KCP: variants seen among roughly 807,000 people sequenced by gnomAD.
KCP encodes kielin cysteine rich BMP regulator.
Under a neutral mutation model 212.7 loss-of-function variants are expected in KCP, and 194 were observed. The ratio of observed to expected loss-of-function variants is 0.91; its 90% confidence interval spans 0.81 to 1.03. KCP has a LOEUF of 1.03. KCP is among the 50% of genes least tolerant of loss of function. The probability of loss-of-function intolerance (pLI) is 0.00; values close to 1 mark genes in which losing one functional copy is unlikely to be tolerated. For missense variants in KCP, 2,080 were observed against 2,162.5 expected (o/e 0.96, Z 0.76); for synonymous variants, 833 against 865.3 (o/e 0.96, Z 0.65).
At chr7:128,908,253 AGAAAG>A (rs1221528335) in intron 2 of KCP, among the ~76,000 whole-genome samples, 168 bp downstream of exon 2, 2 of 78,866 alleles carry the variant, frequency 2.5e-5, no homozygotes, top group African/African-American at 6.1e-5. Flanking sequence ...GAAAGAAAGA[AGAAAG>A]AAAGAAAGAA....
rs1235266508 is a variant in KCP at position 128,910,132 on chromosome 7, AGAGCTCC to A, written c.76+462_76+468del. On this transcript the variant is annotated intron_variant, in intron 1 of 39. Coordinates refer to ENST00000610776, the MANE Select transcript of KCP (RefSeq NM_001366122.1). The stretch of plus-strand genomic sequence containing the variant: ...GCCTCGCCTGGAGAGACCTGCAGAA[AGAGCTCC>A]GAGTGGCACAAACTTGGCTGGTCCC... 2.0e-5 allele frequency among the ~76,000 whole-genome samples: 3 copies of A among 152,284 alleles called. No homozygotes were observed. The East Asian group carries it at 5.8e-4, about 29-fold the overall frequency.
At chr7:128,903,435 C>CA in intron 7 of KCP, 1 of 488,672 alleles carries the variant, frequency 2.0e-6, no homozygotes, top group Non-Finnish European at 3.6e-6. Context: ...CTCTAGGGGT[C>CA]ATCCCTGAGG....
Position 128,878,538 on chromosome 7 carries a change from C to A in KCP, c.4311+20G>T. 1 of 1,547,308 alleles carries A rather than the reference C, an allele frequency of 6.5e-7. No homozygotes were observed. Among genetic ancestry groups the A allele is most frequent in the Non-Finnish European group, 8.7e-7 (1 of 1,144,284 alleles). On this transcript the variant is annotated intron_variant, in intron 38 of 39. Transcript: ENST00000610776. ...GCTGCGTCTCCCCTAATCCCCATCC[C>A]CGGTTCCTGTACCACTCACCTGCCA...
chr7:128,885,149 G>T lies in KCP; in HGVS notation c.2988C>A (p.Ser996Arg). 6.4e-7 allele frequency: 1 copy of T among 1,550,862 alleles called. No individual in the cohort carries two copies. The highest frequency in any genetic ancestry group is 8.7e-7 in the Non-Finnish European group (1 of 1,147,000). Residue 996 changes from serine (S) to arginine (R), a missense_variant, in exon 27 of 40, where the codon AGC becomes AGA. Physicochemically the swap from Ser to Arg is moderately radical, Grantham distance 110. Coordinates refer to ENST00000610776, the MANE Select transcript of KCP (RefSeq NM_001366122.1). ...VVTCARIQCI[S>R]SCAQPRQGPH... ...GCCCTTGGCGGGGCTGGGCGCAAGA[G>T]CTGATGCACTGGATGCGTGCACAGG...
chr7:128,892,651 G>A (rs780061208), intron 15 of KCP, 37 bp downstream of exon 15: 136 of 1,550,878 alleles, frequency 8.8e-5, no homozygotes, highest in Non-Finnish European at 1.2e-4. Flanking sequence ...ATGCCCAGGA[G>A]GGGCTCAGCA....
intron 21 of KCP, 30 bp from the exon 22 acceptor site, chr7:128,889,069 G>C (rs1445092322): frequency 3.4e-6 from 5 of 1,463,768 alleles, no homozygotes; most frequent in Non-Finnish European, 4.5e-6. Flanking sequence ...GAGGCCGAGG[G>C]GAGGGACAGA....
At position 128,890,399 on chromosome 7, in the gene KCP, C is replaced by T. The variant is rs754819762; in HGVS notation, c.2279G>A (p.Cys760Tyr). Residue 760 changes from cysteine (C) to tyrosine (Y), a missense_variant, in exon 21 of 40, where the codon TGT (cysteine) becomes TAT (tyrosine). Coordinates refer to ENST00000610776, the MANE Select transcript of KCP (RefSeq NM_001366122.1). ...AGGGAAGGGGCACAGTGCAGGGGCA[C>T]ATGCCTTGGGCTCGCAGCTCACGCT... is the stretch of plus-strand genomic sequence containing the variant. The part of the protein sequence containing the change: ...EGSVSCEPKA[C>Y]APALCPFPAR... 1.0e-5 allele frequency: 16 copies of T among 1,551,206 alleles called. No homozygotes were observed. In the South Asian group the frequency reaches 1.5e-4, roughly 15 times the overall value.
At position 128,880,541 on chromosome 7, in the gene KCP, G is replaced by A; in HGVS notation, c.3617-13C>T. On this transcript the variant is annotated splice_polypyrimidine_tract_variant and intron_variant, in intron 33 of 39. Coordinates refer to ENST00000610776, the MANE Select transcript of KCP (RefSeq NM_001366122.1). ...GACTGGGTGGGAGCTGAAGGGATAG[G>A]AGCTGGGAGGGTCAGCTGCTCCTCC... The A allele has an allele frequency of 7.0e-7, 1 of 1,429,012 alleles. No individual in the cohort carries two copies. Among genetic ancestry groups the A allele is most frequent in the Non-Finnish European group, 9.3e-7 (1 of 1,081,028 alleles). The allele number at this position is 1,429,012 out of a possible 1,614,324, so 88.5% of individuals were successfully genotyped here.
intron 29 of KCP, among the ~76,000 whole-genome samples, chr7:128,882,563 C>T (rs1485126527): frequency 6.6e-6 from 1 of 152,198 alleles, no homozygotes; most frequent in Non-Finnish European, 1.5e-5. Flanking sequence ...CAGTCTGTGG[C>T]ATGGAACAGG....
chr7:128,880,066 C>A lies in KCP; in HGVS notation c.3779G>T (p.Ser1260Ile), dbSNP rs1299071722. ...SCGPDKAPALSPGSCCPRCLP... is the reference protein window; with the variant it reads ...SCGPDKAPALIPGSCCPRCLP... ...GCAGCGGGGGCAGCAGCTGCCAGGA[C>A]TCAGGGCAGGGGCCTTGTCCTGCAC... The change falls in exon 35 of 40, where the codon AGT becomes ATT. Residue 1260 changes from serine (S) to isoleucine (I), a missense_variant. Coordinates refer to ENST00000610776, the MANE Select transcript of KCP (RefSeq NM_001366122.1). 6.5e-7 allele frequency: 1 copy of A among 1,544,866 alleles called. No individual in the cohort carries two copies. The highest frequency in any genetic ancestry group is 8.7e-7 in the Non-Finnish European group (1 of 1,145,216).
At chr7:128,878,778 C>T in intron 37 of KCP, 56 bp from the exon 38 acceptor site, 1 of 1,505,096 alleles carries the variant, frequency 6.6e-7, no homozygotes. Flanking sequence ...CTTAAGAAGC[C>T]CAGGGTCCAT....
At position 128,886,556 on chromosome 7, in the gene KCP, G is replaced by A. The variant is rs1459026801; in HGVS notation, c.2774C>T (p.Ala925Val). The A allele has an allele frequency of 1.3e-6, 2 of 1,551,236 alleles. No individual in the cohort carries two copies. Among genetic ancestry groups the A allele is most frequent in the African/African-American group, 1.4e-5 (1 of 73,144 alleles). Reference protein sequence around the residue: ...AGSCEWCRCQAGQVSCVRLQC... With the variant: ...AGSCEWCRCQVGQVSCVRLQC... Reference sequence around the variant, plus strand: ...CAGCCGCACACAGCTGACCTGGCCAGCCTGTAGGAGATGCAGGGACACTGG... The same window carrying A: ...CAGCCGCACACAGCTGACCTGGCCAACCTGTAGGAGATGCAGGGACACTGG... The change falls in exon 26 of 40, where the codon GCT (alanine) becomes GTT (valine). Residue 925 changes from alanine (A) to valine (V), a missense_variant and splice_region_variant. Coordinates refer to ENST00000610776, the MANE Select transcript of KCP (RefSeq NM_001366122.1).
In KCP at chr7:128,891,467, C is replaced by A; in HGVS notation, c.1862G>T (p.Arg621Leu). The A allele has an allele frequency of 1.3e-6, 2 of 1,550,498 alleles. No homozygotes were observed. The highest frequency in any genetic ancestry group is 1.7e-6 in the Non-Finnish European group (2 of 1,146,768). Residue 621 changes from arginine to leucine, a missense_variant, in exon 18 of 40, where the codon CGT (arginine) becomes CTT (leucine). Transcript: ENST00000610776. ...CAGACTCACCAGACAGCGACACAGA[C>A]GGCAGGGGTCAGAGGGGTGGGGGAA... ...ADFPHPSDPC[R>L]LCRCLSGNVQ...
At chr7:128,891,925 G>A (rs1401925859) in intron 16 of KCP, 106 bp from the exon 17 acceptor site, 6 of 811,300 alleles carry the variant, frequency 7.4e-6, no homozygotes, top group Non-Finnish European at 7.3e-6. Flanking sequence ...GCTGACTCGA[G>A]GGGAAAGAGG....
chr7:128,879,339 T>G, intron 37 of KCP, 183 bp downstream of exon 37: 1 of 591,264 alleles, frequency 1.7e-6, no homozygotes, highest in Middle Eastern at 4.5e-4. Context: ...AACTCAGAAC[T>G]CCTCTGACTG....
intron 22 of KCP, among the ~76,000 whole-genome samples, chr7:128,887,915 CCACA>C (rs1173848056): frequency 2.9e-5 from 4 of 138,316 alleles, no homozygotes; most frequent in Non-Finnish European, 4.7e-5. Flanking sequence ...ACATACACAC[CCACA>C]CACACAGCCA....
intron 32 of KCP, 120 bp downstream of exon 32, chr7:128,880,877 G>T: frequency 2.5e-6 from 1 of 400,032 alleles, no homozygotes. Context: ...TCGGCTCCAT[G>T]CCCCGGTGCA....
At chr7:128,893,498 T>TG in intron 11 of KCP, 22 bp from the exon 12 acceptor site, 2 of 1,510,998 alleles carry the variant, frequency 1.3e-6, no homozygotes, top group African/African-American at 2.8e-5. Flanking sequence ...GACAGGGGCG[T>TG]GGGGGTATAG....
intron 21 of KCP, among the ~76,000 whole-genome samples, chr7:128,889,697 T>G (rs1793964624): frequency 6.6e-6 from 1 of 152,212 alleles, no homozygotes; most frequent in African/African-American, 2.4e-5. Flanking sequence ...ATTAAATTAA[T>G]AAGTGAGTTA....
Sources: allele counts gnomAD v4.1 joint callset (sites outside exome capture counted in the v4.1 genomes callset), GRCh38; gene constraint gnomAD v4.1.1; transcripts MANE v1.5; gene names NCBI Gene and HGNC (gene_info 2026-07-23, HGNC 2026-07-21).